NAV2: variants seen among roughly 807,000 people sequenced by gnomAD.
NAV2 encodes helicase, APC down-regulated 1.
A neutral mutation model predicts 223.2 loss-of-function variants in NAV2; 54 were observed. The ratio of observed to expected loss-of-function variants is 0.24; its 90% CI spans 0.19 to 0.30. The LOEUF (loss-of-function observed/expected upper bound fraction) is 0.30. NAV2 is among the 10% of genes least tolerant of loss of function. The pLI is 1.00. For synonymous variants in NAV2, 1,279 were observed against 1,239.3 expected (o/e 1.03, Z -0.67); for missense variants, 2,806 against 3,147.5 (o/e 0.89, Z 2.60).
intron 1 of NAV2, among the ~76,000 whole-genome samples, chr11:19,821,161 C>T (rs1173278026): frequency 2.0e-5 from 3 of 150,216 alleles, no homozygotes; most frequent in African/African-American, 7.4e-5. Context: ...ACTTGGGAGG[C>T]TGAGGCAGGA....
Position 19,948,918 on chromosome 11 carries a change from G to C in NAV2, c.2483G>C (p.Arg828Thr). Reference sequence around the variant, plus strand: ...CGCTATGTGTACTCCGCCCCTCTGAGAAGGCAGCTGGCCTCCCGGGGCAGT... The same window carrying C: ...CGCTATGTGTACTCCGCCCCTCTGACAAGGCAGCTGGCCTCCCGGGGCAGT... ...SGRYVYSAPL[R>T]RQLASRGSSV... Residue 828 changes from arginine to threonine, a missense_variant, in exon 10 of 38, where the codon AGA becomes ACA. Physicochemically the swap from Arg to Thr is moderately conservative, Grantham distance 71. Transcript: ENST00000349880. The C allele has an allele frequency of 6.2e-7, 1 of 1,614,166 alleles. No homozygotes were observed. Among genetic ancestry groups the C allele is most frequent in the Non-Finnish European group, 8.5e-7 (1 of 1,180,038 alleles).
chr11:19,420,474 C>T (rs1850563623), intron 1 of NAV2, among the ~76,000 whole-genome samples: 1 of 152,174 alleles, frequency 6.6e-6, no homozygotes, highest in Admixed American at 6.5e-5. Flanking sequence ...CTAGAATGTT[C>T]ATAGCAACAT....
chr11:19,494,841 A>G (rs1451125055), intron 1 of NAV2, among the ~76,000 whole-genome samples: 1 of 151,834 alleles, frequency 6.6e-6, no homozygotes, highest in African/African-American at 2.4e-5. Flanking sequence ...GGGCTCCACT[A>G]CCCTCCTCTC....
intron 1 of NAV2, among the ~76,000 whole-genome samples, chr11:19,472,073 C>T (rs961632305): frequency 3.3e-5 from 5 of 152,180 alleles, no homozygotes; most frequent in African/African-American, 9.7e-5. Context: ...TTCATTACTC[C>T]TGTCTGTGTT....
chr11:19,436,678 C>G (rs957518966), intron 1 of NAV2, among the ~76,000 whole-genome samples: 7 of 152,074 alleles, frequency 4.6e-5, no homozygotes, highest in African/African-American at 1.7e-4. Context: ...GTAGTATGGA[C>G]ATTTTAACAA....
At chr11:19,526,188 T>C (rs1168415093) in intron 1 of NAV2, among the ~76,000 whole-genome samples, 2 of 152,166 alleles carry the variant, frequency 1.3e-5, no homozygotes, top group Non-Finnish European at 2.9e-5. Flanking sequence ...TGGTTCCTGA[T>C]TCACTGTGTT....
intron 1 of NAV2, among the ~76,000 whole-genome samples, chr11:19,568,014 G>T (rs1450045537): frequency 6.6e-6 from 1 of 152,198 alleles, no homozygotes; most frequent in Non-Finnish European, 1.5e-5. Flanking sequence ...CTGAGGGCAG[G>T]TGCTTGTTCA....
At chr11:19,856,595 A>C (rs1409787153) in intron 3 of NAV2, among the ~76,000 whole-genome samples, 2 of 152,210 alleles carry the variant, frequency 1.3e-5, no homozygotes, top group African/African-American at 4.8e-5. Context: ...GGACGTTTCT[A>C]GTATTGTGCC....
chr11:20,045,741 T>C (rs754000748), intron 14 of NAV2, 71 bp downstream of exon 14: 11 of 1,270,638 alleles, frequency 8.7e-6, no homozygotes, highest in African/African-American at 1.5e-5. Context: ...TTCCTGTTTC[T>C]TAGTTGAAGC....
At position 20,118,196 on chromosome 11, in the gene NAV2, G is replaced by A. The variant is rs766434688; in HGVS notation, c.7228G>A (p.Asp2410Asn). 8.7e-6 allele frequency: 14 copies of A among 1,613,876 alleles called. No individual in the cohort carries two copies. The highest frequency in any genetic ancestry group is 1.6e-4 in the Middle Eastern group (1 of 6,084). ...CTCCAGCCCCCAGAGCTATGACAGC[G>A]ACTCCAACAGCAACAGCCATCACGA... ...NYSSPQSYDS[D>N]SNSNSHHDDI... The change falls in exon 38 of 38, where the codon GAC becomes AAC. Residue 2410 changes from aspartate (D) to asparagine (N), a missense_variant. Asp to Asn is a conservative substitution (Grantham distance 23). Coordinates refer to ENST00000349880, the MANE Select transcript of NAV2 (RefSeq NM_145117.5).
chr11:20,044,141 CGTCGGGCAA>C lies in NAV2; in HGVS notation c.3070_3078del (p.Ser1024_Lys1026del). On this transcript the variant is annotated inframe_deletion, in exon 13 of 38. Transcript: ENST00000349880. ...GTGTCTGACGAGTCCGACAAAAGCA[CGTCGGGCAA>C]GAAGAATCCTGTCATCTCCCAGACA... 2 of 1,614,184 alleles carry C rather than the reference CGTCGGGCAA, an allele frequency of 1.2e-6. No individual in the cohort carries two copies. Among genetic ancestry groups the C allele is most frequent in the Non-Finnish European group, 1.7e-6 (2 of 1,180,028 alleles).
intron 1 of NAV2, among the ~76,000 whole-genome samples, chr11:19,517,164 A>G (rs548771729): frequency 6.6e-6 from 1 of 152,184 alleles, no homozygotes; most frequent in Non-Finnish European, 1.5e-5. Context: ...TGCGCAGTCC[A>G]CTTTCTTGGT....
intron 1 of NAV2, among the ~76,000 whole-genome samples, chr11:19,498,503 C>T (rs2042868482): frequency 6.6e-6 from 1 of 152,202 alleles, no homozygotes; most frequent in Admixed American, 6.5e-5. Context: ...GAAGTGTTGA[C>T]ATACAGAAGG....
intron 37 of NAV2, among the ~76,000 whole-genome samples, chr11:20,117,669 A>T (rs4757037): frequency 0.072 from 10,896 of 152,024 alleles, 1,190 homozygotes; most frequent in African/African-American, 0.24. Flanking sequence ...GAGGGGGTCC[A>T]TGTGCTTCCG....
chr11:19,568,518 G>T (rs60586617), intron 1 of NAV2, among the ~76,000 whole-genome samples: 129 of 152,274 alleles, frequency 8.5e-4, no homozygotes, highest in African/African-American at 2.9e-3. Context: ...TCTTTACAGT[G>T]GCAAAAGCCA....
upstream of NAV2, chr11:19,712,635 G>C (rs994268149): frequency 1.3e-5 from 2 of 151,528 alleles, no homozygotes; most frequent in African/African-American, 4.8e-5. Flanking sequence ...GCGCGCGGCC[G>C]GGGCAGTGCC....
intron 1 of NAV2, among the ~76,000 whole-genome samples, chr11:19,355,015 G>A (rs532865576): frequency 1.3e-5 from 2 of 152,276 alleles, no homozygotes; most frequent in Non-Finnish European, 2.9e-5. Context: ...GAAAAAGCCG[G>A]GGAGACAGGG....
chr11:19,927,832 G>C (rs367716439), intron 6 of NAV2, among the ~76,000 whole-genome samples: 85 of 152,276 alleles, frequency 5.6e-4, no homozygotes, highest in African/African-American at 1.9e-3. Flanking sequence ...TTAACATGTG[G>C]AGAAGTGGCT....
intron 1 of NAV2, among the ~76,000 whole-genome samples, chr11:19,757,009 A>AGCTGGGCTGGGCTGGGCTGG (rs144431320): frequency 2.6e-5 from 4 of 151,238 alleles, no homozygotes; most frequent in East Asian, 2.0e-4. Flanking sequence ...GGCTGGACTG[A>AGCTGGGCTGGGCTGGGCTGG]GCTGGGCTGG....
Sources: allele counts gnomAD v4.1 joint callset (sites outside exome capture counted in the v4.1 genomes callset), GRCh38; gene constraint gnomAD v4.1.1; transcripts MANE v1.5; gene names NCBI Gene and HGNC (gene_info 2026-07-23, HGNC 2026-07-21).